Variants in PCLO observed in about 807,000 individuals in gnomAD.
PCLO encodes the protein protein piccolo.
In PCLO, 82 loss-of-function variants were observed where a neutral mutation model predicts 427.5. The ratio of observed to expected loss-of-function variants is 0.19; its 90% CI spans 0.16 to 0.23. PCLO has a LOEUF of 0.23. Ranked by LOEUF, PCLO falls within the 10% of genes least tolerant of loss-of-function variation. PCLO has a pLI of 1.00. For missense variants in PCLO, 6,239 were observed against 6,115.9 expected, an observed-to-expected ratio of 1.02 and a Z score of -0.67; for synonymous variants, 2,357 against 2,155.4, an observed-to-expected ratio of 1.09 and a Z score of -2.59.
chr7:83,078,928 A>T (rs1286606592), intron 3 of PCLO, among the ~76,000 whole-genome samples: 2 of 152,162 alleles, frequency 1.3e-5, no homozygotes, highest in Admixed American at 6.5e-5. Flanking sequence ...TTATGAATAC[A>T]ACTATCTTAA....
At position 82,956,221 on chromosome 7, in the gene PCLO, T is replaced by A; in HGVS notation, c.4732A>T (p.Ile1578Phe). The change falls in exon 5 of 25, where the codon ATC becomes TTC. Residue 1578 changes from isoleucine (I) to phenylalanine (F), a missense_variant. Ile to Phe is a conservative substitution (Grantham distance 21). This residue lies in a region of PCLO where 4,677 missense variants were observed against 4,468.4 expected (regional missense o/e 1.05). Transcript: ENST00000333891. ...DASGSEDDEF[I>F]RNQLKEISSS... ...CTAATCTCTTTGAGCTGGTTTCTGA[T>A]GAACTCATCATCTTCAGAACCTGAA... 6.2e-7 allele frequency: 1 copy of A among 1,610,932 alleles called. No individual in the cohort carries two copies. The highest frequency in any genetic ancestry group is 8.5e-7 in the Non-Finnish European group (1 of 1,179,846).
intron 9 of PCLO, among the ~76,000 whole-genome samples, chr7:82,899,437 A>G (rs138606728): frequency 1.3e-5 from 2 of 151,624 alleles, no homozygotes; most frequent in African/African-American, 4.8e-5. Flanking sequence ...ACAAAAATTA[A>G]AAGTAGAAGT....
chr7:82,770,588 A>G (rs1406042425), intron 22 of PCLO, among the ~76,000 whole-genome samples: 1 of 151,954 alleles, frequency 6.6e-6, no homozygotes, highest in Non-Finnish European at 1.5e-5. Flanking sequence ...TGAATCTATT[A>G]GAGAAAGTCA....
intron 3 of PCLO, among the ~76,000 whole-genome samples, chr7:83,006,778 G>A (rs909913857): frequency 4.6e-5 from 7 of 151,258 alleles, no homozygotes; most frequent in African/African-American, 1.5e-4. Flanking sequence ...CGCATTACTT[G>A]TTACCTACCC....
chr7:83,073,292 C>T (rs1481623807), intron 3 of PCLO, among the ~76,000 whole-genome samples: 1 of 151,980 alleles, frequency 6.6e-6, no homozygotes, highest in Non-Finnish European at 1.5e-5. Flanking sequence ...GTTAAACTAA[C>T]AGCCATCATA....
rs1792954996 is a variant in PCLO, at chr7:82,861,498, A to G, written c.13655-14251T>C. Among the ~76,000 whole-genome samples the G allele has an allele frequency of 3.9e-5, 6 of 152,092 alleles. No homozygotes were observed. In the South Asian group the frequency reaches 1.2e-3, roughly 31 times the overall value. On this transcript the variant is annotated intron_variant, in intron 10 of 24. Coordinates refer to ENST00000333891, the MANE Select transcript of PCLO (RefSeq NM_033026.6). ...CAACACTGGATTACCCAGATATGTA[A>G]GGGAAATATTGTTAGAGCTAAAGAG...
chr7:82,774,035 T>C (rs1033926703), intron 22 of PCLO, among the ~76,000 whole-genome samples: 1 of 152,152 alleles, frequency 6.6e-6, no homozygotes, highest in South Asian at 2.1e-4. Flanking sequence ...GGCAGCAGCC[T>C]CCCTCCTCAT....
rs755767818 is a variant in PCLO at position 82,847,187 on chromosome 7, T to C, written c.13715A>G (p.Gln4572Arg). The C allele has an allele frequency of 2.5e-6, 4 of 1,606,486 alleles. No individual in the cohort carries two copies. Among genetic ancestry groups the C allele is most frequent in the Non-Finnish European group, 3.4e-6 (4 of 1,175,868 alleles). The change falls in exon 11 of 25, where the codon CAG becomes CGG. Residue 4572 changes from glutamine to arginine, a missense_variant. Gln to Arg is a conservative substitution (Grantham distance 43, BLOSUM62 1). This residue lies in a region of PCLO where 877 missense variants were observed against 925.5 expected (regional missense o/e 0.95). Coordinates refer to ENST00000333891, the MANE Select transcript of PCLO (RefSeq NM_033026.6). ...CCCACTTTGCTGACTAATGATACTCTGAACTTCTTCATATGTTTTAGAAGT... is the reference window on the plus strand; with the variant it reads ...CCCACTTTGCTGACTAATGATACTCCGAACTTCTTCATATGTTTTAGAAGT... ...PLTSKTYEEVQSIISQQSGEA... is the reference protein window; with the variant it reads ...PLTSKTYEEVRSIISQQSGEA...
Position 82,759,069 on chromosome 7 carries a change from G to A in PCLO, c.15289-354C>T, listed in dbSNP as rs191072875. 4.6e-4 allele frequency among the ~76,000 whole-genome samples: 70 copies of A among 151,860 alleles called. 1 individual carries two copies. Among genetic ancestry groups the A allele is most frequent in the African/African-American group, 1.4e-3 (56 of 41,454 alleles). ...AACTTTGCCAAATAATTTTTTACTA[G>A]TTTACACAAATCCAAATCAAATAAA... On this transcript the variant is annotated intron_variant, in intron 24 of 24. Transcript: ENST00000333891.
chr7:82,951,307 G>A lies in PCLO; in HGVS notation c.9281C>T (p.Ala3094Val). ...SSNGVVYSSV[A>V]TPTPSTFAIT... ...AGCAAATGTAGAGGGTGTTGGAGTT[G>A]CTACTGAAGAATAGACAACACCATT... The change falls in exon 6 of 25, where the codon GCA (alanine) becomes GTA (valine). Residue 3094 changes from alanine to valine, a missense_variant. By Grantham distance (64) the Ala-to-Val change is moderately conservative. Coordinates refer to ENST00000333891, the MANE Select transcript of PCLO (RefSeq NM_033026.6). 6.2e-7 allele frequency: 1 copy of A among 1,612,690 alleles called. No homozygotes were observed. The highest frequency in any genetic ancestry group is 8.5e-7 in the Non-Finnish European group (1 of 1,179,318).
chr7:82,951,886 C>T lies in PCLO; in HGVS notation c.9067G>A (p.Val3023Ile), dbSNP rs1215984151. The T allele has an allele frequency of 1.2e-6, 2 of 1,613,462 alleles. No homozygotes were observed. The highest frequency in any genetic ancestry group is 1.1e-5 in the South Asian group (1 of 91,066). ...GTAACTCTCCCTGAAGTCAGATCTA[C>T]TGCTGTGTCAGTTCCTTCAGAATAA... Reference protein sequence around the residue: ...FDYSEGTDTAVDLTSGRVTTG... With the variant: ...FDYSEGTDTAIDLTSGRVTTG... Residue 3023 changes from valine to isoleucine, a missense_variant, in exon 5 of 25, where the codon GTA (valine) becomes ATA (isoleucine). Around this residue, in one of 5 missense-constraint regions of PCLO, gnomAD observed 4,677 missense variants for 4,468.4 expected, o/e 1.05. Coordinates refer to ENST00000333891, the MANE Select transcript of PCLO (RefSeq NM_033026.6).
At chr7:83,100,172 G>A (rs28548516) in intron 3 of PCLO, among the ~76,000 whole-genome samples, 69,800 of 151,862 alleles carry the variant, frequency 0.46, 16,444 homozygotes, top group East Asian at 0.71. Context: ...AGATGCTGGC[G>A]AGGTTGTGAA....
intron 9 of PCLO, among the ~76,000 whole-genome samples, chr7:82,897,773 A>AT (rs905007993): frequency 5.9e-5 from 9 of 151,470 alleles, no homozygotes; most frequent in South Asian, 2.1e-4. Context: ...TGCTGTACAC[A>AT]TTTTTTTAAT....
chr7:82,944,748 T>A (rs902996114), intron 6 of PCLO, among the ~76,000 whole-genome samples: 1 of 152,152 alleles, frequency 6.6e-6, no homozygotes, highest in African/African-American at 2.4e-5. Flanking sequence ...GACTTTTTAC[T>A]GAAGAAACAC....
intron 16 of PCLO, among the ~76,000 whole-genome samples, chr7:82,832,601 T>A (rs889093060): frequency 3.9e-5 from 6 of 151,976 alleles, no homozygotes; most frequent in South Asian, 2.1e-4. Context: ...TCTGAAAAAA[T>A]TTTTGAAATT....
intron 9 of PCLO, among the ~76,000 whole-genome samples, chr7:82,886,198 T>C (rs763069489): frequency 2.1e-4 from 32 of 152,336 alleles, no homozygotes; most frequent in Non-Finnish European, 4.6e-4. Flanking sequence ...CCACAACTAA[T>C]TAGTTAGGAA....
At chr7:83,103,115 T>C (rs1790775203) in intron 3 of PCLO, among the ~76,000 whole-genome samples, 3 of 152,066 alleles carry the variant, frequency 2.0e-5, no homozygotes, top group African/African-American at 7.2e-5. Flanking sequence ...TTTGGGAAAG[T>C]GTCTATACTA....
intron 3 of PCLO, among the ~76,000 whole-genome samples, chr7:82,994,252 C>A (rs116594438): frequency 4.3e-3 from 654 of 151,840 alleles, no homozygotes; most frequent in African/African-American, 0.015. Flanking sequence ...CAAACAGATA[C>A]AATTTAAGTG....
chr7:83,162,371 G>T lies in PCLO; in HGVS notation c.222C>A (p.Ala74=), dbSNP rs773905303. 11 of 1,601,022 alleles carry T rather than the reference G, an allele frequency of 6.9e-6. No homozygotes were observed. The Admixed American group carries it at 1.7e-4, about 25-fold the overall frequency. The change falls in exon 1 of 25, where the codon GCC becomes GCA. Residue 74 remains alanine, a synonymous_variant. Transcript: ENST00000333891. ...QGLPKGSVPP[A]AAESPSMHRK... is the part of the protein sequence containing the mutation. ...TGTGCATGGAAGGCGACTCCGCAGC[G>T]GCCGGGGGGACGCTTCCCTTGGGCA... is the stretch of plus-strand genomic sequence containing the variant.
Sources: allele counts gnomAD v4.1 joint callset (sites outside exome capture counted in the v4.1 genomes callset), GRCh38; gene constraint gnomAD v4.1.1; regional missense constraint gnomAD v4.1.1; transcripts MANE v1.5; gene names NCBI Gene and HGNC (gene_info 2026-07-23, HGNC 2026-07-21).